UGT1A7: variants seen among roughly 807,000 people sequenced by gnomAD.
UGT1A7 encodes the protein UDP glucuronosyltransferase family 1 member A7.
UGT1A7 carries 33 observed loss-of-function variants against 45.6 expected under a neutral mutation model. The ratio of observed to expected loss-of-function variants is 0.72; its 90% CI spans 0.55 to 0.97. The LOEUF (loss-of-function observed/expected upper bound fraction) is 0.97. Among genes scored for constraint, UGT1A7 ranks in the 50% least tolerant of loss-of-function variants. The pLI is 0.00. For missense variants in UGT1A7, 684 were observed against 666.2 expected (o/e 1.03, Z -0.29); for synonymous variants, 274 against 250.6 (o/e 1.09, Z -0.88).
intron 1 of UGT1A7, among the ~76,000 whole-genome samples, chr2:233,697,593 A>T (rs1575461386): frequency 2.2e-5 from 3 of 138,614 alleles, no homozygotes; most frequent in African/African-American, 2.7e-5. Flanking sequence ...GATCTTTATT[A>T]TTTCTTTCCT....
At chr2:233,705,180 T>G (rs1217775980) in intron 1 of UGT1A7, among the ~76,000 whole-genome samples, 1 of 151,938 alleles carries the variant, frequency 6.6e-6, no homozygotes, top group East Asian at 1.9e-4. Context: ...AGGGGAAGTA[T>G]GCATTGGTAC....
rs773325642 is a variant in UGT1A7, at chr2:233,682,608, T to C, written c.671T>C (p.Phe224Ser). The change falls in exon 1 of 5, where the codon TTC (phenylalanine) becomes TCC (serine). Residue 224 changes from phenylalanine (F) to serine (S), a missense_variant. Transcript: ENST00000373426. The stretch of plus-strand genomic sequence containing the variant: ...GAACATTTATTTTGCCCCTATTTTT[T>C]CAAAAATGTCTTAGAAATAGCCTCT... ...LEEHLFCPYF[F>S]KNVLEIASEI... is the part of the protein sequence containing the mutation. 176 of 1,613,816 alleles carry C rather than the reference T, an allele frequency of 1.1e-4. No individual in the cohort carries two copies. The highest frequency in any genetic ancestry group is 1.4e-4 in the Non-Finnish European group (160 of 1,179,850).
chr2:233,710,329 A>C (rs1202722431), intron 1 of UGT1A7, among the ~76,000 whole-genome samples: 1 of 152,250 alleles, frequency 6.6e-6, no homozygotes, highest in Non-Finnish European at 1.5e-5. Flanking sequence ...TGACTTCATA[A>C]GAAACAGTCG....
At chr2:233,760,673 A>T (rs1191873899) in intron 1 of UGT1A7, 3 of 1,614,096 alleles carry the variant, frequency 1.9e-6, no homozygotes, top group East Asian at 2.2e-5. Flanking sequence ...GGCTGTTCCC[A>T]CTTACTGCAC....
rs761622962 is a variant in UGT1A7 at position 233,769,246 on chromosome 2, A to C, written c.1295+807A>C. On this transcript the variant is annotated intron_variant, in intron 4 of 4. Transcript: ENST00000373426. The surrounding 1 kb of genome is among the most constrained non-coding windows in gnomAD (Gnocchi z 4.4). The stretch of plus-strand genomic sequence containing the variant: ...TAAGAGCAAAGGAAAATTTGCTCAA[A>C]TGTGGCCCTGAAAACGATTCAAAGG... Among the ~76,000 whole-genome samples the C allele has an allele frequency of 6.6e-6, 1 of 152,238 alleles. No individual in the cohort carries two copies. Among genetic ancestry groups the C allele is most frequent in the Non-Finnish European group, 1.5e-5 (1 of 68,028 alleles).
chr2:233,768,590 T>G (rs1322508849), intron 4 of UGT1A7, 151 bp downstream of exon 4: 2 of 1,068,204 alleles, frequency 1.9e-6, no homozygotes, highest in Non-Finnish European at 2.4e-6. Flanking sequence ...TTCTTTTTTT[T>G]TTTTTTTTTT....
At chr2:233,748,043 G>C (rs1693846723) in intron 1 of UGT1A7, 13 of 1,613,298 alleles carry the variant, frequency 8.1e-6, no homozygotes, top group Non-Finnish European at 1.1e-5. Flanking sequence ...TCTTCATTGG[G>C]GGCATCAACT....
chr2:233,713,134 T>C (rs3755323), intron 1 of UGT1A7: 158,247 of 1,614,024 alleles, frequency 0.098, 8,762 homozygotes, highest in South Asian at 0.2. Flanking sequence ...CGGGAGGCCT[T>C]GCGGGACCTC....
chr2:233,694,980 T>C (rs1559347532), intron 1 of UGT1A7, among the ~76,000 whole-genome samples: 1 of 152,352 alleles, frequency 6.6e-6, no homozygotes, highest in South Asian at 2.1e-4. Flanking sequence ...CTTCCTTATG[T>C]TGGGAACATT....
intron 1 of UGT1A7, among the ~76,000 whole-genome samples, chr2:233,705,897 G>A (rs557089333): frequency 4.5e-4 from 68 of 152,196 alleles, no homozygotes; most frequent in South Asian, 2.5e-3. Context: ...AGACTGCCCT[G>A]GCCAAAATAG....
At chr2:233,771,798 CCCTCCCTT>C (rs951458637) in intron 4 of UGT1A7, among the ~76,000 whole-genome samples, 10 of 147,834 alleles carry the variant, frequency 6.8e-5, no homozygotes, top group African/African-American at 2.5e-4. Context: ...CTCCCTCCCT[CCCTCCCTT>C]CCTCCTTTCC....
chr2:233,760,870 A>G lies in UGT1A7; in HGVS notation c.856-6164A>G, dbSNP rs761998591. Reference sequence around the variant, plus strand: ...CCCCAACCCATTCTCCTACGTGCCCAGGCCTCTCTCCTCTCATTCAGATCA... The same window carrying G: ...CCCCAACCCATTCTCCTACGTGCCCGGGCCTCTCTCCTCTCATTCAGATCA... On this transcript the variant is annotated intron_variant, in intron 1 of 4. Transcript: ENST00000373426. 2.5e-6 allele frequency: 4 copies of G among 1,614,048 alleles called. No individual in the cohort carries two copies. Among genetic ancestry groups the G allele is most frequent in the Admixed American group, 3.3e-5 (2 of 60,002 alleles).
rs554048784 is a variant in UGT1A7, at chr2:233,732,559, A to G, written c.856-34475A>G. ...TTTTCCCAGCACCATTTATTAAATA[A>G]GGAATCCTTTCCCCATTGCTTGTTT... On this transcript the variant is annotated intron_variant, in intron 1 of 4. Coordinates refer to ENST00000373426, the MANE Select transcript of UGT1A7 (RefSeq NM_019077.3). Among the ~76,000 whole-genome samples the G allele has an allele frequency of 2.5e-3, 374 of 152,298 alleles. 2 individuals are homozygous for G. The highest frequency in any genetic ancestry group is 8.6e-3 in the African/African-American group (358 of 41,564).
chr2:233,770,205 T>G (rs1217853012), intron 4 of UGT1A7: 1 of 152,310 alleles, frequency 6.6e-6, no homozygotes, highest in Non-Finnish European at 1.5e-5. Flanking sequence ...TATTCATTTT[T>G]GAGCCATCCC....
At chr2:233,727,671 A>C (rs2077638679) in intron 1 of UGT1A7, among the ~76,000 whole-genome samples, 2 of 152,110 alleles carry the variant, frequency 1.3e-5, no homozygotes, top group Non-Finnish European at 2.9e-5. Context: ...TGTCCTTACA[A>C]ATTCCCAGGA....
chr2:233,732,710 C>T (rs1261368099), intron 1 of UGT1A7, among the ~76,000 whole-genome samples: 1 of 149,516 alleles, frequency 6.7e-6, no homozygotes, highest in Non-Finnish European at 1.5e-5. Flanking sequence ...TTACTGTAGC[C>T]TTGTAGTACA....
intron 1 of UGT1A7, among the ~76,000 whole-genome samples, chr2:233,702,574 T>G (rs2075694345): frequency 6.6e-6 from 1 of 152,166 alleles, no homozygotes. Flanking sequence ...TTTTAGCAGA[T>G]TAGGTCTTAA....
chr2:233,743,882 C>T (rs779162939), intron 1 of UGT1A7: 31 of 1,366,974 alleles, frequency 2.3e-5, no homozygotes, highest in African/African-American at 3.0e-5. Context: ...TGAGGCCTGC[C>T]GGGGCACGTC....
At chr2:233,691,386 TG>T (rs761017193) in intron 1 of UGT1A7, 81 of 985,468 alleles carry the variant, frequency 8.2e-5, no homozygotes, top group Non-Finnish European at 9.6e-5. Flanking sequence ...ATGTTCCCCA[TG>T]GGGGCCAGCC....
Sources: allele counts gnomAD v4.1 joint callset (sites outside exome capture counted in the v4.1 genomes callset), GRCh38; gene constraint gnomAD v4.1.1; non-coding constraint Gnocchi (gnomAD v3.1); transcripts MANE v1.5; gene names NCBI Gene and HGNC (gene_info 2026-07-23, HGNC 2026-07-21).